The following ST6GAL1 variants were observed in gnomAD, a reference collection of about 807,000 sequenced individuals.
The protein encoded by ST6GAL1 is beta-galactoside alpha-2,6-sialyltransferase 1.
A neutral mutation model predicts 38.0 loss-of-function variants in ST6GAL1; 20 were observed. The ratio of observed to expected loss-of-function variants is 0.53; its 90% confidence interval spans 0.37 to 0.77. The LOEUF is 0.77. Among genes scored for constraint, ST6GAL1 ranks in the 30% least tolerant of loss-of-function variants. The pLI, the probability that ST6GAL1 is intolerant of heterozygous loss-of-function variation, is 0.00. For missense variants in ST6GAL1, 432 were observed against 496.4 expected, an observed-to-expected ratio of 0.87 and a Z score of 1.23; for synonymous variants, 196 against 188.2, an observed-to-expected ratio of 1.04 and a Z score of -0.34.
intron 2 of ST6GAL1, among the ~76,000 whole-genome samples, chr3:187,012,094 G>A (rs1330441524): frequency 6.6e-6 from 1 of 151,968 alleles, no homozygotes; most frequent in Non-Finnish European, 1.5e-5. Flanking sequence ...CCCAGGCTCC[G>A]GTCATCTATG....
intron 4 of ST6GAL1, among the ~76,000 whole-genome samples, chr3:187,046,722 T>G (rs1718309959): frequency 6.6e-6 from 1 of 152,164 alleles, no homozygotes; most frequent in Non-Finnish European, 1.5e-5. Context: ...ACTGAGTAGC[T>G]TGGAGAACAT....
intron 5 of ST6GAL1, among the ~76,000 whole-genome samples, chr3:187,057,075 T>G (rs185372745): frequency 2.3e-3 from 352 of 152,332 alleles, no homozygotes; most frequent in Non-Finnish European, 4.0e-3. Context: ...CTGATACCCT[T>G]TCTTCCACTT....
At position 187,076,976 on chromosome 3, in the gene ST6GAL1, G is replaced by GTTTTTTT. The variant is rs778042990; in HGVS notation, c.*1179_*1185dup. The GTTTTTTT allele has an allele frequency of 1.3e-4, 49 of 376,776 alleles. No individual in the cohort carries two copies. The Admixed American group carries it at 1.9e-3, about 15-fold the overall frequency. The allele number at this position is 376,776 out of a possible 1,614,324, so 23.3% of individuals were successfully genotyped here. On this transcript the variant is annotated 3_prime_UTR_variant, in exon 8 of 8. Transcript: ENST00000169298. Reference sequence around the variant, plus strand: ...CCAAATCTTCTCCTAACCACCATCTGTTTTTTTTTTTTAAAGCATTTTTTG... The same window carrying GTTTTTTT: ...CCAAATCTTCTCCTAACCACCATCTGTTTTTTTTTTTTTTTTTTTAAAGCATTTTTTG...
intron 2 of ST6GAL1, among the ~76,000 whole-genome samples, chr3:186,998,400 A>G (rs957628304): frequency 6.6e-6 from 1 of 152,226 alleles, no homozygotes; most frequent in African/African-American, 2.4e-5. Context: ...TAAGCTAGGG[A>G]AAAGAATGTT....
At chr3:186,967,498 CAG>C (rs1386082554) in intron 2 of ST6GAL1, among the ~76,000 whole-genome samples, 1 of 152,156 alleles carries the variant, frequency 6.6e-6, no homozygotes, top group Non-Finnish European at 1.5e-5. Context: ...GGCCCGAACA[CAG>C]AGTTTTAAGT....
chr3:187,006,604 T>G (rs1390384034), intron 2 of ST6GAL1: 2 of 152,192 alleles, frequency 1.3e-5, no homozygotes, highest in Admixed American at 6.5e-5. Flanking sequence ...TTCTATGTGG[T>G]AAGTATTATT....
chr3:187,029,978 T>C (rs1717680366), intron 2 of ST6GAL1, among the ~76,000 whole-genome samples: 1 of 152,066 alleles, frequency 6.6e-6, no homozygotes, highest in African/African-American at 2.4e-5. Flanking sequence ...ATGCCTGAAC[T>C]CAAGATTATG....
intron 2 of ST6GAL1, among the ~76,000 whole-genome samples, chr3:187,032,279 G>A (rs1717778729): frequency 6.6e-6 from 1 of 152,116 alleles, no homozygotes; most frequent in African/African-American, 2.4e-5. Flanking sequence ...GTACTTTTCT[G>A]TTGTCTGTGG....
intron 2 of ST6GAL1, among the ~76,000 whole-genome samples, chr3:187,037,535 A>C (rs59688792): frequency 0.15 from 22,114 of 152,170 alleles, 1,731 homozygotes; most frequent in East Asian, 0.19. Flanking sequence ...CCTACATCGC[A>C]TCAAAAGAAG....
At chr3:186,984,738 C>T (rs531015887) in intron 2 of ST6GAL1, among the ~76,000 whole-genome samples, 79 of 66,980 alleles carry the variant, frequency 1.2e-3, no homozygotes, top group Admixed American at 2.2e-3. Flanking sequence ...TTCCTTCCTT[C>T]CTTCCCTCCC....
chr3:186,981,410 G>A (rs1347438503), intron 2 of ST6GAL1, among the ~76,000 whole-genome samples: 3 of 152,226 alleles, frequency 2.0e-5, no homozygotes, highest in South Asian at 2.1e-4. Flanking sequence ...TCAGGCTAAC[G>A]GCCTCCTTCT....
At chr3:186,944,885 A>T (rs1233341094) in intron 1 of ST6GAL1, among the ~76,000 whole-genome samples, 3 of 152,324 alleles carry the variant, frequency 2.0e-5, no homozygotes, top group Non-Finnish European at 2.9e-5. Context: ...TCTGGGAAAA[A>T]GTCTCCAGCT....
intron 1 of ST6GAL1, among the ~76,000 whole-genome samples, chr3:186,951,655 T>C (rs3887361): frequency 1 from 151,707 of 152,286 alleles, 75,564 homozygotes; most frequent in East Asian, 1. Context: ...TCTCTTCAAG[T>C]CTCTAACACC....
At chr3:186,933,699 A>T (rs1292591515) in intron 1 of ST6GAL1, among the ~76,000 whole-genome samples, 1 of 152,248 alleles carries the variant, frequency 6.6e-6, no homozygotes, top group Non-Finnish European at 1.5e-5. Flanking sequence ...TTGCCTAATG[A>T]TACACAACAA....
chr3:187,039,780 TG>T (rs1718066561), intron 3 of ST6GAL1, among the ~76,000 whole-genome samples: 1 of 152,232 alleles, frequency 6.6e-6, no homozygotes, highest in African/African-American at 2.4e-5. Context: ...CAGTTATAAG[TG>T]CCTGTGACCA....
At chr3:187,067,061 C>T (rs969595092) in intron 5 of ST6GAL1, among the ~76,000 whole-genome samples, 3 of 138,476 alleles carry the variant, frequency 2.2e-5, no homozygotes, top group Admixed American at 7.3e-5. Context: ...TTAAGGCAAT[C>T]TTCTTTTCTT....
chr3:187,059,857 C>CA lies in ST6GAL1; in HGVS notation c.705+8517dup, dbSNP rs1419863475. On this transcript the variant is annotated intron_variant, in intron 5 of 7. Transcript: ENST00000169298. ...ATAGTTTTACAAATAAATAAATTTG[C>CA]AAAAAAGAACTAGAGAAGAGAGTGG... Among the ~76,000 whole-genome samples, 5 of 152,014 alleles carry CA rather than the reference C, an allele frequency of 3.3e-5. No homozygotes were observed. In the East Asian group the frequency reaches 9.7e-4, roughly 29 times the overall value.
intron 5 of ST6GAL1, among the ~76,000 whole-genome samples, chr3:187,058,014 C>A (rs888477820): frequency 1.3e-5 from 2 of 152,224 alleles, no homozygotes; most frequent in Non-Finnish European, 2.9e-5. Flanking sequence ...AGACGCCCCT[C>A]CCCCGCCAGG....
At chr3:186,964,780 G>T (rs138803418) in intron 2 of ST6GAL1, among the ~76,000 whole-genome samples, 1 of 152,132 alleles carries the variant, frequency 6.6e-6, no homozygotes, top group Non-Finnish European at 1.5e-5. Flanking sequence ...TTTTGTTTTG[G>T]AAATTCCGAT....
Sources: allele counts gnomAD v4.1 joint callset (sites outside exome capture counted in the v4.1 genomes callset), GRCh38; gene constraint gnomAD v4.1.1; transcripts MANE v1.5; gene names NCBI Gene and HGNC (gene_info 2026-07-23, HGNC 2026-07-21).